LRP1B: variants seen among roughly 807,000 people sequenced by gnomAD.
LRP1B encodes low-density lipoprotein receptor-related protein 1B.
A neutral mutation model predicts 556.6 loss-of-function variants in LRP1B; 217 were observed. The ratio of observed to expected loss-of-function variants is 0.39; its 90% CI spans 0.35 to 0.44. The LOEUF is 0.44. Ranked by LOEUF, LRP1B falls within the 20% of genes least tolerant of loss-of-function variation. The probability of loss-of-function intolerance (pLI) is 1.00; values close to 1 mark genes in which losing one functional copy is unlikely to be tolerated. For synonymous variants in LRP1B, 2,047 were observed against 1,865.8 expected (o/e 1.10, Z -2.50); for missense variants, 5,053 against 5,620.8 (o/e 0.90, Z 3.23).
intron 2 of LRP1B, among the ~76,000 whole-genome samples, chr2:141,696,598 T>G (rs1307200525): frequency 6.6e-6 from 1 of 151,974 alleles, no homozygotes; most frequent in African/African-American, 2.4e-5. Flanking sequence ...AATATACAGC[T>G]ATAAGCAGTC....
intron 21 of LRP1B, among the ~76,000 whole-genome samples, chr2:140,918,378 C>T (rs1249461429): frequency 2.0e-5 from 3 of 151,794 alleles, no homozygotes; most frequent in Admixed American, 6.6e-5. Flanking sequence ...TTTAATAAAG[C>T]TTTAAATAAA....
chr2:142,029,690 C>T (rs1574611693), intron 1 of LRP1B, among the ~76,000 whole-genome samples: 3 of 151,804 alleles, frequency 2.0e-5, no homozygotes, highest in African/African-American at 7.2e-5. Flanking sequence ...CCCTCAACTT[C>T]TTTCAAGCTT....
intron 2 of LRP1B, among the ~76,000 whole-genome samples, chr2:141,574,457 G>A (rs928724891): frequency 7.9e-5 from 12 of 151,764 alleles, no homozygotes; most frequent in African/African-American, 2.9e-4. Context: ...AAATAATAAG[G>A]GCTATTTATG....
chr2:141,562,931 A>G (rs1211174237), intron 2 of LRP1B, among the ~76,000 whole-genome samples: 1 of 152,040 alleles, frequency 6.6e-6, no homozygotes, highest in Non-Finnish European at 1.5e-5. Context: ...AATATGAACA[A>G]TAAGACCAAT....
At chr2:140,737,581 T>C (rs1395148280) in intron 35 of LRP1B, among the ~76,000 whole-genome samples, 1 of 152,138 alleles carries the variant, frequency 6.6e-6, no homozygotes, top group African/African-American at 2.4e-5. Context: ...TAATTGCCTC[T>C]GAAGTAAGAG....
chr2:141,192,380 A>AT (rs1308674232), intron 6 of LRP1B, among the ~76,000 whole-genome samples: 1 of 151,898 alleles, frequency 6.6e-6, no homozygotes, highest in Non-Finnish European at 1.5e-5. Flanking sequence ...TGATTTGAAC[A>AT]TTTTTAGGAG....
intron 37 of LRP1B, among the ~76,000 whole-genome samples, chr2:140,712,629 C>A (rs1687073460): frequency 6.6e-6 from 1 of 152,010 alleles, no homozygotes; most frequent in Admixed American, 6.6e-5. Context: ...ATCTTCTCAA[C>A]TTATCTTCTA....
At chr2:141,750,325 T>C (rs774486227) in intron 2 of LRP1B, among the ~76,000 whole-genome samples, 23 of 152,180 alleles carry the variant, frequency 1.5e-4, no homozygotes, top group Non-Finnish European at 2.6e-4. Context: ...AAGATGCTTT[T>C]GATTAAAAGT....
At chr2:141,215,976 T>C (rs1170082091) in intron 6 of LRP1B, among the ~76,000 whole-genome samples, 3 of 152,174 alleles carry the variant, frequency 2.0e-5, no homozygotes, top group Non-Finnish European at 4.4e-5. Flanking sequence ...CTACAGAAAT[T>C]TGCATAACTA....
At chr2:141,065,150 A>G (rs1699444950) in intron 7 of LRP1B, among the ~76,000 whole-genome samples, 1 of 151,900 alleles carries the variant, frequency 6.6e-6, no homozygotes, top group South Asian at 2.1e-4. Context: ...ATGGATGCCT[A>G]TACCCGTCAC....
At chr2:140,749,805 C>G (rs1484240487) in intron 35 of LRP1B, among the ~76,000 whole-genome samples, 3 of 152,036 alleles carry the variant, frequency 2.0e-5, no homozygotes, top group Non-Finnish European at 4.4e-5. Context: ...AGTAACATAA[C>G]CCATCATTTG....
At chr2:141,591,491 T>G (rs1687337635) in intron 2 of LRP1B, among the ~76,000 whole-genome samples, 1 of 151,990 alleles carries the variant, frequency 6.6e-6, no homozygotes, top group South Asian at 2.1e-4. Flanking sequence ...GATACAGTTG[T>G]GCTTATAGCA....
chr2:140,643,956 T>C (rs1222711644), intron 41 of LRP1B, among the ~76,000 whole-genome samples: 1 of 152,166 alleles, frequency 6.6e-6, no homozygotes, highest in Non-Finnish European at 1.5e-5. Flanking sequence ...ATGTTGAAAA[T>C]TCTGTACACA....
intron 67 of LRP1B, among the ~76,000 whole-genome samples, chr2:140,381,294 A>T (rs1458257941): frequency 6.6e-6 from 1 of 152,210 alleles, no homozygotes; most frequent in Non-Finnish European, 1.5e-5. Context: ...AGAGAACAAT[A>T]ACAAAAACAA....
At chr2:141,547,250 C>T (rs1297762053) in intron 2 of LRP1B, among the ~76,000 whole-genome samples, 1 of 152,174 alleles carries the variant, frequency 6.6e-6, no homozygotes, top group East Asian at 1.9e-4. Context: ...CACATGCTTT[C>T]ACCTCTAATG....
chr2:140,252,565 T>TAATTCAA (rs140579628), intron 86 of LRP1B, among the ~76,000 whole-genome samples: 2,413 of 152,190 alleles, frequency 0.016, 67 homozygotes, highest in African/African-American at 0.056. Context: ...ATGATCCTTT[T>TAATTCAA]AATTCAATAC....
chr2:141,253,624 T>C (rs1684350855), intron 4 of LRP1B, among the ~76,000 whole-genome samples: 1 of 152,098 alleles, frequency 6.6e-6, no homozygotes, highest in African/African-American at 2.4e-5. Flanking sequence ...TTTTAAACAA[T>C]TATCTCATGA....
intron 7 of LRP1B, among the ~76,000 whole-genome samples, chr2:141,115,455 T>G (rs1700864519): frequency 2.1e-5 from 2 of 97,112 alleles, no homozygotes; most frequent in South Asian, 3.9e-4. Context: ...GGTTTTTGTT[T>G]TTGTTTTTTT....
chr2:141,839,389 G>T (rs1201703784), intron 1 of LRP1B, among the ~76,000 whole-genome samples: 1 of 152,142 alleles, frequency 6.6e-6, no homozygotes, highest in Non-Finnish European at 1.5e-5. Flanking sequence ...ATGCACCATT[G>T]AGCATGCTTA....
Sources: allele counts gnomAD v4.1 joint callset (sites outside exome capture counted in the v4.1 genomes callset), GRCh38; gene constraint gnomAD v4.1.1; transcripts MANE v1.5; gene names NCBI Gene and HGNC (gene_info 2026-07-23, HGNC 2026-07-21).